The following WAC variants were observed in gnomAD, a reference collection of about 807,000 sequenced individuals.
WAC encodes the protein WW domain containing adaptor with coiled-coil, also known as WW domain-containing adapter protein with coiled-coil.
In WAC, 11 loss-of-function variants were observed where a neutral mutation model predicts 79.6. That is an observed-to-expected ratio of 0.14 (90% confidence interval 0.09 to 0.23). The LOEUF (loss-of-function observed/expected upper bound fraction) is 0.23. Ranked by LOEUF, WAC falls within the 10% of genes least tolerant of loss-of-function variation. WAC has a pLI of 1.00. For missense variants in WAC, 728 were observed against 773.5 expected (o/e 0.94, Z 0.70); for synonymous variants, 304 against 276.9 (o/e 1.10, Z -0.97).
intron 10 of WAC, among the ~76,000 whole-genome samples, chr10:28,613,928 GC>G (rs1841359972): frequency 6.6e-6 from 1 of 152,026 alleles, no homozygotes; most frequent in Non-Finnish European, 1.5e-5. Flanking sequence ...CTTTATATGG[GC>G]CATAACTCAT....
At chr10:28,559,136 ATGTG>A (rs111740298) in intron 3 of WAC, among the ~76,000 whole-genome samples, 53 of 146,760 alleles carry the variant, frequency 3.6e-4, no homozygotes, top group Admixed American at 1.2e-3. Context: ...GAGAAACCTG[ATGTG>A]TGTGTGTGTG....
intron 3 of WAC, among the ~76,000 whole-genome samples, chr10:28,543,459 C>T (rs1288466443): frequency 2.0e-5 from 3 of 152,198 alleles, no homozygotes; most frequent in Non-Finnish European, 4.4e-5. Flanking sequence ...CAGCACATTT[C>T]AGTTTGGACA....
chr10:28,560,190 T>TA (rs1554781142), intron 3 of WAC, among the ~76,000 whole-genome samples: 2 of 151,782 alleles, frequency 1.3e-5, no homozygotes, highest in African/African-American at 4.8e-5. Context: ...AAAAATAAAA[T>TA]AAAAAATTTA....
At chr10:28,583,820 G>A (rs532354892) in intron 4 of WAC, among the ~76,000 whole-genome samples, 4 of 152,242 alleles carry the variant, frequency 2.6e-5, no homozygotes, top group African/African-American at 9.6e-5. Flanking sequence ...CTTCTTTAAA[G>A]TGGTCTAAGT....
intron 13 of WAC, 176 bp downstream of exon 13, chr10:28,617,960 C>A: frequency 1.5e-6 from 1 of 671,418 alleles, no homozygotes; most frequent in Non-Finnish European, 2.2e-6. Flanking sequence ...TAAAGCCTGT[C>A]GATTTTCTCT....
At chr10:28,584,029 G>T (rs935605646) in intron 4 of WAC, among the ~76,000 whole-genome samples, 5 of 152,262 alleles carry the variant, frequency 3.3e-5, no homozygotes, top group South Asian at 2.1e-4. Flanking sequence ...TAAGTCATAG[G>T]TTTAAATGAA....
At chr10:28,586,188 ATTT>A (rs951634160) in intron 4 of WAC, among the ~76,000 whole-genome samples, 2 of 152,288 alleles carry the variant, frequency 1.3e-5, no homozygotes, top group Non-Finnish European at 2.9e-5. Flanking sequence ...TATGTGGGTG[ATTT>A]TTTAAAATCA....
At position 28,614,636 on chromosome 10, in the gene WAC, A is replaced by G; in HGVS notation, c.1507A>G (p.Lys503Glu). 6 of 1,614,204 alleles carry G rather than the reference A, an allele frequency of 3.7e-6. No individual in the cohort carries two copies. Among genetic ancestry groups the G allele is most frequent in the Non-Finnish European group, 2.5e-6 (3 of 1,180,014 alleles). ...CACACAGCAGCCTGTAACTGCTGAC[A>G]AGCAGCAAGGTCATGAACCTGTCTC... ...SATQQPVTADKQQGHEPVSPR... is the reference protein window; with the variant it reads ...SATQQPVTADEQQGHEPVSPR... Residue 503 changes from lysine to glutamate, a missense_variant, in exon 11 of 14, where the codon AAG (lysine) becomes GAG (glutamate). By Grantham distance (56) the Lys-to-Glu change is moderately conservative. This residue lies in a region of WAC where 648 missense variants were observed against 661.5 expected (regional missense o/e 0.98). Coordinates refer to ENST00000354911, the MANE Select transcript of WAC (RefSeq NM_016628.5).
chr10:28,543,336 A>G (rs964569506), intron 3 of WAC, among the ~76,000 whole-genome samples: 1 of 152,244 alleles, frequency 6.6e-6, no homozygotes, highest in African/African-American at 2.4e-5. Context: ...TATTTGACCT[A>G]ATATATCAAA....
intron 7 of WAC, among the ~76,000 whole-genome samples, chr10:28,606,302 C>G (rs917942424): frequency 4.6e-5 from 7 of 152,320 alleles, no homozygotes; most frequent in Admixed American, 2.6e-4. Context: ...TTGCAAAATG[C>G]TGGGATTATA....
At chr10:28,590,064 T>TA (rs1229734766) in intron 5 of WAC, among the ~76,000 whole-genome samples, 12 of 152,302 alleles carry the variant, frequency 7.9e-5, no homozygotes, top group African/African-American at 2.9e-4. Flanking sequence ...CTCATGCCTG[T>TA]AATCCCAGAA....
At chr10:28,610,600 T>C in intron 8 of WAC, 99 bp from the exon 9 acceptor site, 1 of 1,258,402 alleles carries the variant, frequency 7.9e-7, no homozygotes, top group Non-Finnish European at 1.1e-6. Context: ...TAGGTTGAAA[T>C]ATTCCAGTTT....
intron 4 of WAC, among the ~76,000 whole-genome samples, chr10:28,588,217 G>A (rs1839920008): frequency 6.6e-6 from 1 of 152,126 alleles, no homozygotes; most frequent in Non-Finnish European, 1.5e-5. Context: ...TAGGTGGTAG[G>A]GAAGAACTTC....
chr10:28,534,323 G>A (rs2132297803), intron 2 of WAC: 1 of 372,798 alleles, frequency 2.7e-6, no homozygotes, highest in South Asian at 8.0e-5. Context: ...TGCGAGTGAA[G>A]GAATCGATGG....
intron 3 of WAC, among the ~76,000 whole-genome samples, chr10:28,543,571 T>C (rs1243626557): frequency 6.6e-6 from 1 of 152,236 alleles, no homozygotes; most frequent in East Asian, 1.9e-4. Context: ...TGTCTGGCTT[T>C]TACATATATT....
At chr10:28,563,310 G>A (rs1281792913) in intron 3 of WAC, among the ~76,000 whole-genome samples, 1 of 152,126 alleles carries the variant, frequency 6.6e-6, no homozygotes. Flanking sequence ...TCACTTAATG[G>A]CCAACCTTAG....
chr10:28,532,972 G>C (rs1465569746), upstream of WAC: 1 of 153,608 alleles, frequency 6.5e-6, no homozygotes, highest in African/African-American at 2.4e-5. Context: ...AGAAGATCCA[G>C]GCCTCAGAGG....
chr10:28,534,886 C>T (rs1045967505), intron 2 of WAC, among the ~76,000 whole-genome samples: 2 of 152,174 alleles, frequency 1.3e-5, no homozygotes, highest in African/African-American at 4.8e-5. Flanking sequence ...CAAAGCATAG[C>T]TGATTACACA....
chr10:28,546,660 T>C (rs1422706299), intron 3 of WAC, among the ~76,000 whole-genome samples: 1 of 152,184 alleles, frequency 6.6e-6, no homozygotes, highest in Non-Finnish European at 1.5e-5. Flanking sequence ...GTTCCTTTTT[T>C]ATATAGCTGT....
Sources: allele counts gnomAD v4.1 joint callset (sites outside exome capture counted in the v4.1 genomes callset), GRCh38; gene constraint gnomAD v4.1.1; regional missense constraint gnomAD v4.1.1; transcripts MANE v1.5; gene names NCBI Gene and HGNC (gene_info 2026-07-23, HGNC 2026-07-21).